The following DPP6 variants were observed in gnomAD, a reference collection of about 807,000 sequenced individuals.
DPP6 encodes dipeptidyl peptidase like 6, also known as A-type potassium channel modulatory protein DPP6.
A neutral mutation model predicts 122.6 loss-of-function variants in DPP6; 69 were observed. That is an observed-to-expected ratio of 0.56 (90% CI 0.46 to 0.69). DPP6 has a LOEUF of 0.69. DPP6 is among the 30% of genes least tolerant of loss of function. The pLI, the probability that DPP6 is intolerant of heterozygous loss-of-function variation, is 0.00. For synonymous variants in DPP6, 418 were observed against 433.1 expected, an observed-to-expected ratio of 0.97 and a Z score of 0.43; for missense variants, 928 against 1,116.9, an observed-to-expected ratio of 0.83 and a Z score of 2.41.
chr7:154,404,476 A>G (rs1815902097), intron 1 of DPP6, among the ~76,000 whole-genome samples: 1 of 152,234 alleles, frequency 6.6e-6, no homozygotes, highest in Non-Finnish European at 1.5e-5. Context: ...AAGGATTACC[A>G]TCTTTGAGCT....
chr7:154,276,229 A>G (rs1804119402), intron 1 of DPP6, among the ~76,000 whole-genome samples: 2 of 152,218 alleles, frequency 1.3e-5, no homozygotes, highest in Non-Finnish European at 2.9e-5. Flanking sequence ...TTTAGAAAAA[A>G]AGCCACTTTG....
intron 1 of DPP6, among the ~76,000 whole-genome samples, chr7:153,911,745 G>T (rs926678662): frequency 3.9e-5 from 6 of 152,220 alleles, no homozygotes; most frequent in Non-Finnish European, 7.3e-5. Flanking sequence ...AGGACAGAGA[G>T]GACAGAGATA....
chr7:154,574,279 T>A (rs1831313354), intron 5 of DPP6, among the ~76,000 whole-genome samples: 2 of 144,504 alleles, frequency 1.4e-5, no homozygotes, highest in Middle Eastern at 4.0e-3. Flanking sequence ...GTGGGGTCTG[T>A]GTGTGTGGCG....
intron 1 of DPP6, among the ~76,000 whole-genome samples, chr7:154,415,797 C>T (rs916730253): frequency 1.3e-5 from 2 of 150,392 alleles, no homozygotes; most frequent in Middle Eastern, 3.4e-3. Context: ...TCATTTTCCC[C>T]GTTACAGATT....
intron 1 of DPP6, among the ~76,000 whole-genome samples, chr7:153,888,596 T>C (rs1799049511): frequency 6.6e-6 from 1 of 152,194 alleles, no homozygotes; most frequent in South Asian, 2.1e-4. Context: ...AGTTGCCATC[T>C]TGTTCTGTTG....
At chr7:154,224,894 G>A (rs1168299401) in intron 1 of DPP6, among the ~76,000 whole-genome samples, 1 of 151,956 alleles carries the variant, frequency 6.6e-6, no homozygotes, top group African/African-American at 2.4e-5. Context: ...TGTAATCCCA[G>A]CACTTTGGGA....
intron 1 of DPP6, among the ~76,000 whole-genome samples, chr7:154,357,771 A>G (rs1307450502): frequency 1.3e-5 from 2 of 152,004 alleles, no homozygotes; most frequent in South Asian, 2.1e-4. Flanking sequence ...GTGAAACCCC[A>G]TATCTACTAA....
chr7:154,224,115 G>A (rs1800459977), intron 1 of DPP6, among the ~76,000 whole-genome samples: 1 of 148,416 alleles, frequency 6.7e-6, no homozygotes, highest in Non-Finnish European at 1.5e-5. Flanking sequence ...TTCCCTGGGA[G>A]GACACTGTGG....
chr7:154,116,266 C>G (rs1806977301), intron 1 of DPP6, among the ~76,000 whole-genome samples: 1 of 152,188 alleles, frequency 6.6e-6, no homozygotes, highest in Non-Finnish European at 1.5e-5. Flanking sequence ...CATTTACTGT[C>G]TTGAATAAAA....
intron 1 of DPP6, among the ~76,000 whole-genome samples, chr7:154,281,360 G>T (rs1335878572): frequency 1.2e-5 from 1 of 84,820 alleles, no homozygotes; most frequent in Admixed American, 1.1e-4. Context: ...AAATAAAATG[G>T]GTGCATCCTC....
rs570720859 is a variant in DPP6, at chr7:154,276,005, G to A, written c.244-170209G>A. ...CTTGTATTTGAGATAGTAAGACCTT[G>A]CCAGTGCCTTGAAGTTATCTATTTA... On this transcript the variant is annotated intron_variant, in intron 1 of 25. Coordinates refer to ENST00000377770, the MANE Select transcript of DPP6 (RefSeq NM_130797.4). Among the ~76,000 whole-genome samples the A allele has an allele frequency of 6.6e-5, 10 of 152,334 alleles. No individual in the cohort carries two copies. The East Asian group carries it at 1.9e-3, about 29-fold the overall frequency.
At chr7:154,357,339 T>A (rs1811351977) in intron 1 of DPP6, among the ~76,000 whole-genome samples, 2 of 151,902 alleles carry the variant, frequency 1.3e-5, no homozygotes, top group South Asian at 4.2e-4. Context: ...GTTCATCTGT[T>A]AAATTACAGC....
chr7:154,723,131 C>T (rs1056404872), intron 7 of DPP6, among the ~76,000 whole-genome samples: 2 of 152,040 alleles, frequency 1.3e-5, no homozygotes, highest in African/African-American at 2.4e-5. Context: ...TGGTGGCTGG[C>T]ATCTGTAGTC....
chr7:154,450,436 T>G (rs570487177), intron 2 of DPP6, among the ~76,000 whole-genome samples: 1 of 152,350 alleles, frequency 6.6e-6, no homozygotes, highest in East Asian at 1.9e-4. Context: ...TTCATCTCTA[T>G]TAAGCTATGA....
At chr7:154,540,998 A>G (rs77001878) in intron 4 of DPP6, among the ~76,000 whole-genome samples, 1,976 of 152,358 alleles carry the variant, frequency 0.013, 50 homozygotes, top group African/African-American at 0.045. Context: ...CTCCGCATGC[A>G]TAGGAAGTAT....
intron 1 of DPP6, among the ~76,000 whole-genome samples, chr7:154,348,790 G>A (rs559962030): frequency 1.6e-3 from 240 of 152,288 alleles, no homozygotes; most frequent in African/African-American, 5.7e-3. Context: ...CACAGTTTCA[G>A]GAAGGGTTAC....
the DPP6 span, among the ~76,000 whole-genome samples, chr7:153,757,990 G>C: frequency 6.6e-6 from 1 of 152,070 alleles, no homozygotes; most frequent in Admixed American, 6.6e-5. Flanking sequence ...AAGAACCATA[G>C]GCAGAGTGTT....
chr7:154,417,527 T>C (rs750826499), intron 1 of DPP6, among the ~76,000 whole-genome samples: 12 of 152,200 alleles, frequency 7.9e-5, no homozygotes, highest in Non-Finnish European at 1.0e-4. Context: ...CCTGATTTCA[T>C]GACTTCTCCC....
chr7:154,576,320 CCCACACT>C (rs1338935517), intron 5 of DPP6, among the ~76,000 whole-genome samples: 5 of 151,964 alleles, frequency 3.3e-5, no homozygotes, highest in African/African-American at 9.7e-5. Flanking sequence ...GAGACCTGAC[CCCACACT>C]CCACACTCCA....
Sources: allele counts gnomAD v4.1 joint callset (sites outside exome capture counted in the v4.1 genomes callset), GRCh38; gene constraint gnomAD v4.1.1; transcripts MANE v1.5; gene names NCBI Gene and HGNC (gene_info 2026-07-23, HGNC 2026-07-21).